Variants in SLC2A9 observed in about 807,000 individuals in gnomAD.
SLC2A9 encodes the protein solute carrier family 2, facilitated glucose transporter member 9.
SLC2A9 carries 39 observed loss-of-function variants against 50.6 expected under a neutral mutation model. That is an observed-to-expected ratio of 0.77 (90% CI 0.60 to 1.01). The LOEUF is 1.01. Among genes scored for constraint, SLC2A9 ranks in the 50% least tolerant of loss-of-function variants. The pLI is 0.00. For missense variants in SLC2A9, 686 were observed against 677.6 expected (o/e 1.01, Z -0.14); for synonymous variants, 324 against 276.9 (o/e 1.17, Z -1.69).
intron 5 of SLC2A9, among the ~76,000 whole-genome samples, chr4:9,965,354 C>T (rs1752899363): frequency 6.6e-6 from 1 of 152,118 alleles, no homozygotes; most frequent in African/African-American, 2.4e-5. Context: ...CATTATCACC[C>T]TTTTTTAATC....
At chr4:9,831,559 G>T (rs1346338459) in intron 11 of SLC2A9, among the ~76,000 whole-genome samples, 1 of 152,192 alleles carries the variant, frequency 6.6e-6, no homozygotes, top group African/African-American at 2.4e-5. Flanking sequence ...GTCTGTAAAA[G>T]GTATAACTGC....
intron 1 of SLC2A9, among the ~76,000 whole-genome samples, chr4:9,771,892 G>T (rs1030803877): frequency 2.6e-5 from 4 of 152,214 alleles, no homozygotes; most frequent in African/African-American, 9.6e-5. Context: ...GGGCCTGAAA[G>T]AACTAGGCTG....
chr4:9,775,426 A>G (rs1044968123), downstream of SLC2A9, among the ~76,000 whole-genome samples: 5 of 152,132 alleles, frequency 3.3e-5, no homozygotes, highest in African/African-American at 7.2e-5. Flanking sequence ...GGAAACCAGG[A>G]GGTCTGCTTC....
intron 5 of SLC2A9, among the ~76,000 whole-genome samples, chr4:9,945,883 G>A (rs1258866449): frequency 2.0e-5 from 3 of 152,206 alleles, no homozygotes; most frequent in African/African-American, 4.8e-5. Context: ...AATCAGCGTG[G>A]GAAAGGGCTT....
intron 1 of SLC2A9, among the ~76,000 whole-genome samples, chr4:9,771,610 A>G (rs906036925): frequency 8.5e-5 from 13 of 152,262 alleles, no homozygotes; most frequent in Admixed American, 8.5e-4. Context: ...GCTGACTCCA[A>G]GAGGCTAAGA....
At chr4:9,856,015 T>G (rs1018160723) in intron 10 of SLC2A9, among the ~76,000 whole-genome samples, 1 of 152,104 alleles carries the variant, frequency 6.6e-6, no homozygotes, top group African/African-American at 2.4e-5. Flanking sequence ...AAACCCTGGA[T>G]GAAAACTTAG....
downstream of SLC2A9, among the ~76,000 whole-genome samples, chr4:9,825,011 G>A (rs1021506084): frequency 3.9e-5 from 6 of 152,172 alleles, no homozygotes; most frequent in East Asian, 1.2e-3. Context: ...TTTTGCCTAA[G>A]GCTGCCATGG....
chr4:10,005,790 GT>G (rs1490090870), intron 2 of SLC2A9, among the ~76,000 whole-genome samples: 2 of 152,208 alleles, frequency 1.3e-5, no homozygotes, highest in African/African-American at 4.8e-5. Flanking sequence ...TAAGCAATCT[GT>G]GTGCCTCTCT....
chr4:9,825,810 C>T (rs1431844444), downstream of SLC2A9, among the ~76,000 whole-genome samples: 1 of 152,092 alleles, frequency 6.6e-6, no homozygotes, highest in South Asian at 2.1e-4. Context: ...CTCTCCAAAG[C>T]CTGAGATCCA....
At chr4:9,930,166 T>A (rs557915601) in intron 6 of SLC2A9, among the ~76,000 whole-genome samples, 23 of 152,134 alleles carry the variant, frequency 1.5e-4, no homozygotes, top group African/African-American at 5.3e-4. Flanking sequence ...CCACCTTTCC[T>A]CCTCTCTCTC....
At chr4:9,867,696 CCT>C (rs1175442989) in intron 10 of SLC2A9, among the ~76,000 whole-genome samples, 6 of 152,218 alleles carry the variant, frequency 3.9e-5, no homozygotes, top group African/African-American at 9.6e-5. Context: ...CACACTACCC[CCT>C]GAGAGCTGGG....
intron 3 of SLC2A9, among the ~76,000 whole-genome samples, chr4:9,791,484 T>C (rs549412181): frequency 3.9e-5 from 6 of 152,290 alleles, no homozygotes; most frequent in African/African-American, 1.4e-4. Flanking sequence ...TTCTGAACTT[T>C]AGTTGATGCT....
intron 8 of SLC2A9, among the ~76,000 whole-genome samples, chr4:9,895,019 T>C (rs1193720546): frequency 6.6e-6 from 1 of 152,200 alleles, no homozygotes; most frequent in African/African-American, 2.4e-5. Flanking sequence ...ATTTCAGTAT[T>C]TTGAAGTTTT....
intron 3 of SLC2A9, among the ~76,000 whole-genome samples, chr4:9,988,430 T>C (rs1230884663): frequency 6.6e-6 from 1 of 152,136 alleles, no homozygotes. Context: ...CAAACGGGAG[T>C]GCACACTCTC....
chr4:9,805,687 G>GT (rs58280694), intron 3 of SLC2A9, among the ~76,000 whole-genome samples: 3,286 of 117,768 alleles, frequency 0.028, 59 homozygotes, highest in East Asian at 0.075. Flanking sequence ...CAGGGTGTCA[G>GT]TTTTTTTTTT....
chr4:9,893,183 G>A lies in SLC2A9; in HGVS notation c.1114-2472C>T, dbSNP rs556643214. On this transcript the variant is annotated intron_variant, in intron 8 of 11. Transcript: ENST00000264784. ...CAGTGTCTCACCTGGTCCAGCTCCC[G>A]GACCCGAACAAGGGCACTGATCACT... 2.8e-4 allele frequency among the ~76,000 whole-genome samples: 43 copies of A among 152,142 alleles called. 1 individual carries two copies. Among genetic ancestry groups the A allele is most frequent in the Admixed American group, 2.2e-3 (34 of 15,296 alleles).
chr4:9,844,158 AATAATAAT>A (rs146263615), intron 10 of SLC2A9, among the ~76,000 whole-genome samples: 606 of 54,362 alleles, frequency 0.011, 30 homozygotes, highest in African/African-American at 0.067. Context: ...GTAAAAAAAA[AATAATAAT>A]AAAAAAAAAA....
intron 6 of SLC2A9, chr4:9,923,831 C>T (rs1411564539): frequency 2.6e-5 from 4 of 152,366 alleles, no homozygotes; most frequent in African/African-American, 9.6e-5. Context: ...GAACCTGACA[C>T]ATTCATCTGC....
At chr4:9,889,839 T>C (rs1737033300) in intron 9 of SLC2A9, among the ~76,000 whole-genome samples, 1 of 152,204 alleles carries the variant, frequency 6.6e-6, no homozygotes, top group South Asian at 2.1e-4. Context: ...CCCTGAGCCA[T>C]GCAGGGGGCA....
Sources: gnomAD v4.1 joint callset for allele counts (sites outside exome capture counted in the v4.1 genomes callset) on GRCh38, gnomAD v4.1.1 for gene constraint, MANE v1.5 for transcripts, NCBI Gene and HGNC (gene_info 2026-07-23, HGNC 2026-07-21) for gene names.